Variants in MGAT4C observed in about 807,000 individuals in gnomAD.
MGAT4C encodes MGAT4 family member C, also known as alpha-1,3-mannosyl-glycoprotein 4-beta-N-acetylglucosaminyltransferase C.
Under a neutral mutation model 40.1 loss-of-function variants are expected in MGAT4C, and 19 were observed. The observed-to-expected ratio is 0.47, with a 90% CI of 0.33 to 0.70. The LOEUF is 0.70. MGAT4C is among the 30% of genes least tolerant of loss of function. MGAT4C has a pLI of 0.02. For missense variants in MGAT4C, 491 were observed against 563.2 expected (o/e 0.87, Z 1.30); for synonymous variants, 181 against 187.1 (o/e 0.97, Z 0.27).
chr12:86,826,079 CATT>C (rs1313236032), intron 1 of MGAT4C, among the ~76,000 whole-genome samples: 1 of 151,398 alleles, frequency 6.6e-6, no homozygotes, highest in African/African-American at 2.4e-5. Flanking sequence ...AAGCTCCTCA[CATT>C]ATTACTGCAT....
chr12:86,210,518 A>AG (rs1246696267), intron 1 of MGAT4C, among the ~76,000 whole-genome samples: 1 of 152,238 alleles, frequency 6.6e-6, no homozygotes, highest in Non-Finnish European at 1.5e-5. Context: ...GAAACACTCC[A>AG]GACCTTGGTC....
At chr12:86,237,876 C>T (rs1951620569) in intron 1 of MGAT4C, among the ~76,000 whole-genome samples, 2 of 151,824 alleles carry the variant, frequency 1.3e-5, no homozygotes, top group South Asian at 4.1e-4. Flanking sequence ...CTAAAGTCTA[C>T]CCAAATTTTC....
intron 1 of MGAT4C, among the ~76,000 whole-genome samples, chr12:86,768,422 C>T (rs919003653): frequency 6.6e-6 from 1 of 151,866 alleles, no homozygotes; most frequent in African/African-American, 2.4e-5. Context: ...GAATCAATAT[C>T]GTGAAAATGG....
intron 1 of MGAT4C, among the ~76,000 whole-genome samples, chr12:86,152,923 G>C (rs839191): frequency 6.6e-6 from 1 of 152,128 alleles, no homozygotes; most frequent in East Asian, 1.9e-4. Flanking sequence ...TCAGTCATCC[G>C]TGGGTCTATC....
chr12:86,319,017 C>T (rs1242785121), intron 4 of MGAT4C, among the ~76,000 whole-genome samples: 1 of 152,150 alleles, frequency 6.6e-6, no homozygotes, highest in Non-Finnish European at 1.5e-5. Flanking sequence ...ATCACCCAAG[C>T]TCTATTTCTT....
At chr12:86,380,344 G>T (rs1955905168) in intron 3 of MGAT4C, among the ~76,000 whole-genome samples, 1 of 152,038 alleles carries the variant, frequency 6.6e-6, no homozygotes, top group African/African-American at 2.4e-5. Flanking sequence ...TGGTTAAATA[G>T]ACTTATTCTC....
intron 2 of MGAT4C, among the ~76,000 whole-genome samples, chr12:86,699,185 A>C (rs1950312657): frequency 6.6e-6 from 1 of 152,170 alleles, no homozygotes; most frequent in African/African-American, 2.4e-5. Flanking sequence ...ATTTAAATTC[A>C]CTTAATGTAT....
At chr12:86,829,834 A>G (rs1952884923) in intron 1 of MGAT4C, among the ~76,000 whole-genome samples, 1 of 150,260 alleles carries the variant, frequency 6.7e-6, no homozygotes, top group Non-Finnish European at 1.5e-5. Context: ...ACCTCACAAT[A>G]ACTTGACTAT....
At chr12:86,763,377 T>C (rs1166652218) in intron 1 of MGAT4C, among the ~76,000 whole-genome samples, 1 of 152,198 alleles carries the variant, frequency 6.6e-6, no homozygotes, top group African/African-American at 2.4e-5. Context: ...TTTTTTTTCA[T>C]GTTACTGCAA....
chr12:86,087,556 A>AT (rs1344578693), intron 1 of MGAT4C, among the ~76,000 whole-genome samples: 11 of 152,062 alleles, frequency 7.2e-5, no homozygotes, highest in Non-Finnish European at 1.6e-4. Context: ...TTGTACATTG[A>AT]TTTTGTATCC....
At chr12:86,216,058 G>A (rs1950659421) in intron 1 of MGAT4C, among the ~76,000 whole-genome samples, 1 of 152,076 alleles carries the variant, frequency 6.6e-6, no homozygotes, top group South Asian at 2.1e-4. Context: ...TTAAATCCAA[G>A]GAGTCTGAGA....
Position 86,189,047 on chromosome 12 carries a change from G to T in MGAT4C, c.-57+67192C>A, listed in dbSNP as rs551252874. On this transcript the variant is annotated intron_variant, in intron 1 of 4. Coordinates refer to ENST00000611864, the MANE Select transcript of MGAT4C (RefSeq NM_001351288.2). ...ATTTTAGAAATTGATGACTTTCTCTGTAAAGTTAAGTCAAGCGATTATTTT... is the reference window on the plus strand; with the variant it reads ...ATTTTAGAAATTGATGACTTTCTCTTTAAAGTTAAGTCAAGCGATTATTTT... Among the ~76,000 whole-genome samples, 142 of 151,982 alleles carry T rather than the reference G, an allele frequency of 9.3e-4. 3 individuals are homozygous for T. In the Middle Eastern group the frequency reaches 0.031, roughly 33 times the overall value.
intron 2 of MGAT4C, among the ~76,000 whole-genome samples, chr12:86,043,304 A>G (rs1196977018): frequency 6.6e-6 from 1 of 152,196 alleles, no homozygotes; most frequent in African/African-American, 2.4e-5. Context: ...AGTCAGTCCA[A>G]GTCCAAAACC....
chr12:86,633,433 C>G (rs1169316916), intron 2 of MGAT4C, among the ~76,000 whole-genome samples: 2 of 152,000 alleles, frequency 1.3e-5, no homozygotes, highest in Non-Finnish European at 2.9e-5. Context: ...TCCCCAACAT[C>G]TTCTATATCT....
rs1345397409 is a variant in MGAT4C at position 85,971,384 on chromosome 12, A to G, written c.*7905T>C. The G allele has an allele frequency of 6.6e-6, 1 of 151,184 alleles. No homozygotes were observed. The highest frequency in any genetic ancestry group is 2.4e-5 in the African/African-American group (1 of 41,370). The allele number at this position is 151,184 out of a possible 1,614,324, so 9.4% of individuals were successfully genotyped here. On this transcript the variant is annotated 3_prime_UTR_variant, in exon 5 of 5. Transcript: ENST00000611864. ...TTACAAAATATGTTGTTAACTTTTCAAAGATGATCGGTTTAGATTGCTTTA... is the reference window on the plus strand; with the variant it reads ...TTACAAAATATGTTGTTAACTTTTCGAAGATGATCGGTTTAGATTGCTTTA...
intron 3 of MGAT4C, among the ~76,000 whole-genome samples, chr12:85,988,157 G>T (rs1885462581): frequency 6.6e-6 from 1 of 152,058 alleles, no homozygotes; most frequent in Non-Finnish European, 1.5e-5. Context: ...GTTGATTTCA[G>T]CCATTGTGCA....
At chr12:86,639,837 C>A (rs1228195714) in intron 2 of MGAT4C, among the ~76,000 whole-genome samples, 1 of 151,652 alleles carries the variant, frequency 6.6e-6, no homozygotes, top group Non-Finnish European at 1.5e-5. Flanking sequence ...AAATCTGAAA[C>A]AGAAAATTTA....
At chr12:86,010,834 G>A (rs1447715784) in intron 2 of MGAT4C, among the ~76,000 whole-genome samples, 1 of 152,120 alleles carries the variant, frequency 6.6e-6, no homozygotes, top group African/African-American at 2.4e-5. Context: ...TGGATTAATG[G>A]GCTAATGGAT....
At chr12:86,430,745 C>T (rs1008246112) in intron 3 of MGAT4C, among the ~76,000 whole-genome samples, 1 of 152,130 alleles carries the variant, frequency 6.6e-6, no homozygotes, top group African/African-American at 2.4e-5. Flanking sequence ...GATCCAGAGG[C>T]TATGGTCCTT....
Sources: allele counts gnomAD v4.1 joint callset (sites outside exome capture counted in the v4.1 genomes callset), GRCh38; gene constraint gnomAD v4.1.1; transcripts MANE v1.5; gene names NCBI Gene and HGNC (gene_info 2026-07-23, HGNC 2026-07-21).